The following GRIN2B variants were observed in gnomAD, a reference collection of about 807,000 sequenced individuals.
GRIN2B encodes glutamate ionotropic receptor NMDA type subunit 2B.
In GRIN2B, 5 loss-of-function variants were observed where a neutral mutation model predicts 114.5. That is an observed-to-expected ratio of 0.04 (90% CI 0.02 to 0.09). The LOEUF is 0.09. Ranked by LOEUF, GRIN2B falls within the 10% of genes least tolerant of loss-of-function variation. The pLI, the probability that GRIN2B is intolerant of heterozygous loss-of-function variation, is 1.00. For missense variants in GRIN2B, 1,108 were observed against 1,943.5 expected (o/e 0.57, Z 8.08); for synonymous variants, 787 against 745.1 (o/e 1.06, Z -0.92).
intron 2 of GRIN2B, among the ~76,000 whole-genome samples, chr12:13,914,517 C>A (rs910235770): frequency 1.3e-5 from 2 of 152,138 alleles, no homozygotes; most frequent in African/African-American, 2.4e-5. Context: ...TATTGAGTTT[C>A]TCAGAAAAAC....
In GRIN2B at chr12:13,563,394, G is replaced by C; in HGVS notation, c.3844C>G (p.Pro1282Ala). 6.2e-7 allele frequency: 1 copy of C among 1,614,182 alleles called. No homozygotes were observed. Among genetic ancestry groups the C allele is most frequent in the Middle Eastern group, 1.6e-4 (1 of 6,062 alleles). Residue 1282 changes from proline to alanine, a missense_variant, in exon 14 of 14, where the codon CCT (proline) becomes GCT (alanine). Around this residue, in one of 19 missense-constraint regions of GRIN2B, gnomAD observed 478 missense variants for 506.0 expected, o/e 0.94. Coordinates refer to ENST00000609686, the MANE Select transcript of GRIN2B (RefSeq NM_000834.5). ...VTSNASTTKYPQSPTNSKAQK... is the reference protein window; with the variant it reads ...VTSNASTTKYAQSPTNSKAQK... ...GCCTTGGAATTAGTCGGGCTCTGAG[G>C]GTACTTAGTGGTGGAGGCGTTTGAC... is the stretch of plus-strand genomic sequence containing the variant.
At chr12:13,730,435 C>T (rs1235125725) in intron 4 of GRIN2B, among the ~76,000 whole-genome samples, 1 of 152,168 alleles carries the variant, frequency 6.6e-6, no homozygotes, top group East Asian at 1.9e-4. Context: ...ACTTTGTATA[C>T]ATTCTTATTT....
At chr12:13,583,749 T>C (rs557727973) in intron 10 of GRIN2B, among the ~76,000 whole-genome samples, 1 of 151,822 alleles carries the variant, frequency 6.6e-6, no homozygotes, top group East Asian at 1.9e-4. Flanking sequence ...CGAAATAGCA[T>C]GAGAAAAGAA....
intron 4 of GRIN2B, among the ~76,000 whole-genome samples, chr12:13,722,202 T>G (rs934078441): frequency 6.6e-6 from 1 of 152,030 alleles, no homozygotes; most frequent in Non-Finnish European, 1.5e-5. Context: ...GTTTTGCTAT[T>G]AAGAGGAACA....
At chr12:13,610,911 T>C (rs1949358495) in intron 9 of GRIN2B, among the ~76,000 whole-genome samples, 1 of 152,204 alleles carries the variant, frequency 6.6e-6, no homozygotes, top group Non-Finnish European at 1.5e-5. Flanking sequence ...TTAAGAATCT[T>C]CCCTCTTGGA....
intron 3 of GRIN2B, among the ~76,000 whole-genome samples, chr12:13,809,424 A>C (rs562949430): frequency 3.9e-5 from 6 of 152,332 alleles, no homozygotes; most frequent in African/African-American, 1.4e-4. Context: ...AAATGAGAAC[A>C]ATAATAACCC....
At chr12:13,953,087 C>T (rs756818908) in intron 2 of GRIN2B, among the ~76,000 whole-genome samples, 1 of 151,972 alleles carries the variant, frequency 6.6e-6, no homozygotes, top group Non-Finnish European at 1.5e-5. Context: ...TCATCTGAAA[C>T]TTCTCAACTT....
At chr12:13,910,460 C>T (rs1482752368) in intron 2 of GRIN2B, among the ~76,000 whole-genome samples, 2 of 152,184 alleles carry the variant, frequency 1.3e-5, no homozygotes, top group Admixed American at 1.3e-4. Context: ...CTTGCTTTCT[C>T]TCTGGTTTCA....
At chr12:13,719,331 C>G (rs1950487811) in intron 4 of GRIN2B, among the ~76,000 whole-genome samples, 1 of 152,026 alleles carries the variant, frequency 6.6e-6, no homozygotes, top group Admixed American at 6.6e-5. Flanking sequence ...TAAACCTACT[C>G]CTTAATTCAC....
intron 4 of GRIN2B, among the ~76,000 whole-genome samples, chr12:13,750,777 T>A (rs565369395): frequency 9.9e-5 from 15 of 152,276 alleles, no homozygotes; most frequent in Middle Eastern, 3.4e-3. Flanking sequence ...TTCACTTCCG[T>A]GTGCCATGCA....
chr12:13,837,110 A>G (rs1158018467), intron 3 of GRIN2B, among the ~76,000 whole-genome samples: 1 of 152,174 alleles, frequency 6.6e-6, no homozygotes, highest in East Asian at 1.9e-4. Flanking sequence ...TTTCCATTCC[A>G]TAAACATCCC....
rs1865827333 is a variant in GRIN2B at position 13,866,246 on chromosome 12, G to A, written c.-18-20C>T. 7 of 1,596,716 alleles carry A rather than the reference G, an allele frequency of 4.4e-6. No homozygotes were observed. The highest frequency in any genetic ancestry group is 4.5e-5 in the East Asian group (2 of 44,770). On this transcript the variant is annotated intron_variant, in intron 2 of 13. Transcript: ENST00000609686. Reference sequence around the variant, plus strand: ...GACTCCCTGCAAACACAAAGAAAGAGCATGTTAAAATAGGATCTACATCAC... The same window carrying A: ...GACTCCCTGCAAACACAAAGAAAGAACATGTTAAAATAGGATCTACATCAC...
At chr12:13,725,723 C>T (rs1862973334) in intron 4 of GRIN2B, among the ~76,000 whole-genome samples, 1 of 152,106 alleles carries the variant, frequency 6.6e-6, no homozygotes, top group Non-Finnish European at 1.5e-5. Flanking sequence ...CTCTGCTTAA[C>T]AAGAAATGGA....
chr12:13,594,671 TAAAA>T (rs34596965), intron 10 of GRIN2B, among the ~76,000 whole-genome samples: 2 of 142,322 alleles, frequency 1.4e-5, no homozygotes, highest in African/African-American at 2.6e-5. Context: ...CTTAAAGTAT[TAAAA>T]AAAAAAAAAG....
rs1382925555 is a variant in GRIN2B, at chr12:13,891,205, T to C, written c.-18-24979A>G. Reference sequence around the variant, plus strand: ...GAGCCTCTTGAACTCAATATGCAAATGCATGTGAATAATATGCAAATCTGT... The same window carrying C: ...GAGCCTCTTGAACTCAATATGCAAACGCATGTGAATAATATGCAAATCTGT... On this transcript the variant is annotated intron_variant, in intron 2 of 13. Transcript: ENST00000609686. 1.3e-5 allele frequency among the ~76,000 whole-genome samples: 2 copies of C among 152,338 alleles called. 1 individual carries two copies. The highest frequency in any genetic ancestry group is 3.9e-4 in the East Asian group (2 of 5,184).
chr12:13,631,843 G>A (rs1444171195), intron 5 of GRIN2B, among the ~76,000 whole-genome samples: 1 of 152,172 alleles, frequency 6.6e-6, no homozygotes, highest in African/African-American at 2.4e-5. Context: ...AGAAACAGAT[G>A]ATGAAAGAAG....
chr12:13,618,298 A>T (rs1949470787), intron 5 of GRIN2B, among the ~76,000 whole-genome samples: 1 of 152,202 alleles, frequency 6.6e-6, no homozygotes, highest in Admixed American at 6.5e-5. Flanking sequence ...CCCTCCCCAA[A>T]TAGGCCTATT....
chr12:13,940,672 G>C (rs1051957763), intron 2 of GRIN2B, among the ~76,000 whole-genome samples: 10 of 152,140 alleles, frequency 6.6e-5, no homozygotes, highest in Admixed American at 4.6e-4. Flanking sequence ...CCTATGGCTG[G>C]AAATCATTAA....
intron 4 of GRIN2B, among the ~76,000 whole-genome samples, chr12:13,743,976 T>C (rs888334537): frequency 6.6e-6 from 1 of 152,204 alleles, no homozygotes; most frequent in African/African-American, 2.4e-5. Flanking sequence ...GTGGTTTCCA[T>C]GGCTATTCCT....
Sources: gnomAD v4.1 joint callset for allele counts (sites outside exome capture counted in the v4.1 genomes callset) on GRCh38, gnomAD v4.1.1 for gene constraint, gnomAD v4.1.1 regional missense constraint, MANE v1.5 for transcripts, NCBI Gene and HGNC (gene_info 2026-07-23, HGNC 2026-07-21) for gene names.